Variants in COL5A2 observed in about 807,000 individuals in gnomAD.
The protein encoded by COL5A2 is collagen alpha-2(V) chain.
Under a neutral mutation model 208.2 loss-of-function variants are expected in COL5A2, and 23 were observed. That is an observed-to-expected ratio of 0.11 (90% CI 0.08 to 0.16). COL5A2 has a LOEUF of 0.16. Ranked by LOEUF, COL5A2 falls within the 10% of genes least tolerant of loss-of-function variation. The pLI is 1.00. For synonymous variants in COL5A2, 625 were observed against 628.5 expected, an observed-to-expected ratio of 0.99 and a Z score of 0.08; for missense variants, 1,590 against 1,956.4, an observed-to-expected ratio of 0.81 and a Z score of 3.53.
At chr2:189,251,593 C>T in the COL5A2 span, among the ~76,000 whole-genome samples, 2 of 151,832 alleles carry the variant, frequency 1.3e-5, no homozygotes, top group African/African-American at 2.4e-5. Context: ...TATATTTTCT[C>T]GAGCTCAAAA....
At chr2:189,195,783 C>T (rs1255404702) in intron 1 of COL5A2, among the ~76,000 whole-genome samples, 18 of 152,240 alleles carry the variant, frequency 1.2e-4, no homozygotes, top group Middle Eastern at 3.4e-3. Context: ...TGAAACTGGA[C>T]CCCTTCCTTA....
At chr2:189,363,584 T>C in the COL5A2 span, among the ~76,000 whole-genome samples, 17 of 152,152 alleles carry the variant, frequency 1.1e-4, no homozygotes, top group Admixed American at 6.5e-5. Flanking sequence ...ACATTATTAC[T>C]TACGGAAATA....
At chr2:189,244,923 C>T in the COL5A2 span, among the ~76,000 whole-genome samples, 262 of 152,246 alleles carry the variant, frequency 1.7e-3, 1 homozygote, top group African/African-American at 5.9e-3. Flanking sequence ...ACAATCATGG[C>T]GGAAGGCATG....
At chr2:189,407,951 G>T in the COL5A2 span, among the ~76,000 whole-genome samples, 40 of 152,126 alleles carry the variant, frequency 2.6e-4, no homozygotes, top group Non-Finnish European at 3.7e-4. Flanking sequence ...CCTCGTTATG[G>T]CAAGTGAAAG....
intron 1 of COL5A2, among the ~76,000 whole-genome samples, chr2:189,178,194 A>G (rs1688712694): frequency 6.6e-6 from 1 of 152,124 alleles, no homozygotes; most frequent in Non-Finnish European, 1.5e-5. Flanking sequence ...GTAACATAAA[A>G]AGCTCCAAGT....
chr2:189,335,879 T>C, the COL5A2 span, among the ~76,000 whole-genome samples: 1 of 152,110 alleles, frequency 6.6e-6, no homozygotes, highest in Non-Finnish European at 1.5e-5. Context: ...AAACACTGAA[T>C]TGCTCACTTT....
chr2:189,251,374 C>T, the COL5A2 span, among the ~76,000 whole-genome samples: 32 of 152,236 alleles, frequency 2.1e-4, no homozygotes, highest in African/African-American at 7.7e-4. Flanking sequence ...AAAACACCTA[C>T]TGTGTTCCTA....
intron 1 of COL5A2, among the ~76,000 whole-genome samples, chr2:189,129,175 C>T (rs188935159): frequency 1.9e-3 from 284 of 151,792 alleles, no homozygotes; most frequent in African/African-American, 6.2e-3. Flanking sequence ...ACATTTCACA[C>T]GGGGAACTTA....
the COL5A2 span, among the ~76,000 whole-genome samples, chr2:189,266,296 C>T: frequency 9.9e-5 from 15 of 151,890 alleles, no homozygotes; most frequent in African/African-American, 3.4e-4. Context: ...CATGGTGGCA[C>T]GCACCTGTAA....
At chr2:189,353,716 C>A in the COL5A2 span, among the ~76,000 whole-genome samples, 1 of 152,152 alleles carries the variant, frequency 6.6e-6, no homozygotes, top group Non-Finnish European at 1.5e-5. Context: ...TCTAAATATA[C>A]AATCATGTCA....
At chr2:189,040,052 C>T (rs1380685105) in intron 50 of COL5A2, among the ~76,000 whole-genome samples, 1 of 152,126 alleles carries the variant, frequency 6.6e-6, no homozygotes, top group African/African-American at 2.4e-5. Context: ...GAGAATTATA[C>T]TCCTACTTCT....
chr2:189,057,100 A>G, intron 34 of COL5A2, 74 bp from the exon 35 acceptor site: 1 of 1,484,856 alleles, frequency 6.7e-7, no homozygotes, highest in Non-Finnish European at 9.4e-7. Context: ...GTTTCATGAG[A>G]GTGAAGGCTA....
the COL5A2 span, among the ~76,000 whole-genome samples, chr2:189,267,783 CAT>C: frequency 3.9e-5 from 6 of 151,996 alleles, no homozygotes; most frequent in Non-Finnish European, 7.4e-5. Flanking sequence ...TAGGGTCAAA[CAT>C]AAATGGTTTA....
At chr2:189,433,968 A>G in the COL5A2 span, among the ~76,000 whole-genome samples, 8 of 152,342 alleles carry the variant, frequency 5.3e-5, no homozygotes, top group African/African-American at 1.9e-4. Context: ...GCAGCACATC[A>G]AAAAGCTTAT....
At chr2:189,112,444 ATTAT>A (rs763992530) in intron 1 of COL5A2, among the ~76,000 whole-genome samples, 2 of 152,186 alleles carry the variant, frequency 1.3e-5, no homozygotes, top group African/African-American at 2.4e-5. Context: ...TTATATAATT[ATTAT>A]TTGTCAATTA....
the COL5A2 span, among the ~76,000 whole-genome samples, chr2:189,279,065 C>T: frequency 1.2e-4 from 18 of 151,922 alleles, no homozygotes; most frequent in African/African-American, 3.6e-4. Flanking sequence ...TCAAGAAATA[C>T]GAATATCCTT....
intron 2 of COL5A2, among the ~76,000 whole-genome samples, chr2:189,106,636 T>G (rs1687153794): frequency 6.6e-6 from 1 of 151,364 alleles, no homozygotes; most frequent in African/African-American, 2.4e-5. Context: ...TCAGTACTGT[T>G]AAATGGTAAT....
the COL5A2 span, among the ~76,000 whole-genome samples, chr2:189,232,691 C>G: frequency 7.2e-5 from 11 of 151,770 alleles, no homozygotes; most frequent in African/African-American, 2.7e-4. Context: ...TGGGAAGTGA[C>G]TGGGTGATGA....
the COL5A2 span, among the ~76,000 whole-genome samples, chr2:189,283,037 C>A: frequency 1.3e-5 from 2 of 152,038 alleles, no homozygotes; most frequent in Admixed American, 6.6e-5. Flanking sequence ...CTCAATTTAA[C>A]AAATATATAA....
Sources: allele counts gnomAD v4.1 joint callset (sites outside exome capture counted in the v4.1 genomes callset), GRCh38; gene constraint gnomAD v4.1.1; transcripts MANE v1.5; gene names NCBI Gene and HGNC (gene_info 2026-07-23, HGNC 2026-07-21).